Variants in SCFD2 observed in about 807,000 individuals in gnomAD.
The protein encoded by SCFD2 is sec1 family domain-containing protein 2.
SCFD2 carries 54 observed loss-of-function variants against 58.9 expected under a neutral mutation model. The ratio of observed to expected loss-of-function variants is 0.92; its 90% CI spans 0.74 to 1.15. The LOEUF (loss-of-function observed/expected upper bound fraction) is 1.15, where lower values mean the gene tolerates loss of function less well. SCFD2 is among the 50% of genes most tolerant of loss of function. The probability of loss-of-function intolerance (pLI) is 0.00; values close to 1 mark genes in which losing one functional copy is unlikely to be tolerated. For synonymous variants in SCFD2, 321 were observed against 335.9 expected (o/e 0.96, Z 0.49); for missense variants, 805 against 836.6 (o/e 0.96, Z 0.47).
chr4:53,260,471 A>G (rs1730797393), intron 4 of SCFD2, among the ~76,000 whole-genome samples: 1 of 152,166 alleles, frequency 6.6e-6, no homozygotes, highest in African/African-American at 2.4e-5. Context: ...CTTTTTCTGC[A>G]TCTACTGAGA....
chr4:53,071,389 T>A (rs181496395), intron 5 of SCFD2, among the ~76,000 whole-genome samples: 120 of 152,206 alleles, frequency 7.9e-4, no homozygotes, highest in Non-Finnish European at 1.6e-3. Flanking sequence ...AGGTTACATA[T>A]AATTTTTTGG....
At chr4:53,083,437 C>T (rs1288087488) in intron 5 of SCFD2, among the ~76,000 whole-genome samples, 1 of 152,034 alleles carries the variant, frequency 6.6e-6, no homozygotes, top group Non-Finnish European at 1.5e-5. Flanking sequence ...GGAATACTTC[C>T]AACCTTATTC....
intron 4 of SCFD2, among the ~76,000 whole-genome samples, chr4:53,202,053 G>T (rs1728259652): frequency 6.6e-6 from 1 of 152,060 alleles, no homozygotes; most frequent in African/African-American, 2.4e-5. Flanking sequence ...CTCAATTTTG[G>T]CTTCTGTTGC....
chr4:53,264,649 T>G (rs563835117), intron 4 of SCFD2, among the ~76,000 whole-genome samples: 97 of 152,322 alleles, frequency 6.4e-4, no homozygotes, highest in African/African-American at 2.2e-3. Flanking sequence ...GCCATCATAT[T>G]TCCAAGCCAA....
chr4:53,093,098 C>T (rs1050133981), intron 5 of SCFD2, among the ~76,000 whole-genome samples: 4 of 152,016 alleles, frequency 2.6e-5, no homozygotes, highest in Non-Finnish European at 5.9e-5. Flanking sequence ...ACTGTTAAAA[C>T]ATTGGGAAAA....
intron 2 of SCFD2, among the ~76,000 whole-genome samples, chr4:53,327,741 G>C (rs1410898665): frequency 6.6e-6 from 1 of 152,170 alleles, no homozygotes; most frequent in African/African-American, 2.4e-5. Flanking sequence ...TGTTCAAGAA[G>C]TAGTTACAAA....
At chr4:53,313,872 T>C in intron 2 of SCFD2, 109 bp from the exon 3 acceptor site, 1 of 917,510 alleles carries the variant, frequency 1.1e-6, no homozygotes, top group Non-Finnish European at 1.7e-6. Flanking sequence ...AATGTAGTCT[T>C]TCCTACTGAT....
intron 5 of SCFD2, among the ~76,000 whole-genome samples, chr4:52,935,516 C>T (rs1720113903): frequency 6.6e-6 from 1 of 152,110 alleles, no homozygotes; most frequent in Non-Finnish European, 1.5e-5. Flanking sequence ...GGTCAAACAT[C>T]CTTGATGTTG....
intron 6 of SCFD2, among the ~76,000 whole-genome samples, chr4:52,920,302 C>T (rs751247471): frequency 1.8e-4 from 28 of 152,216 alleles, no homozygotes; most frequent in Admixed American, 2.6e-4. Context: ...TTTCCCTTGT[C>T]GTAACATTAT....
chr4:53,129,331 C>T (rs1725721674), intron 5 of SCFD2, among the ~76,000 whole-genome samples: 1 of 152,182 alleles, frequency 6.6e-6, no homozygotes, highest in Non-Finnish European at 1.5e-5. Context: ...CACTTGGGAC[C>T]AATTCAGTCC....
intron 5 of SCFD2, among the ~76,000 whole-genome samples, chr4:52,972,343 CA>C (rs906714893): frequency 6.6e-6 from 1 of 151,316 alleles, no homozygotes; most frequent in Non-Finnish European, 1.5e-5. Context: ...AAATGGAAAA[CA>C]AAAAAAGGCA....
chr4:52,887,582 G>A (rs567397235), intron 7 of SCFD2, among the ~76,000 whole-genome samples: 1 of 152,298 alleles, frequency 6.6e-6, no homozygotes, highest in South Asian at 2.1e-4. Context: ...CAGAAGGGTG[G>A]AGCGGGACAG....
At chr4:53,302,131 G>C (rs1230443309) in intron 3 of SCFD2, among the ~76,000 whole-genome samples, 1 of 152,078 alleles carries the variant, frequency 6.6e-6, no homozygotes, top group Non-Finnish European at 1.5e-5. Context: ...GAAATAAAGG[G>C]CATTCAATTA....
intron 4 of SCFD2, among the ~76,000 whole-genome samples, chr4:53,237,660 C>T (rs1729686665): frequency 3.0e-5 from 4 of 134,020 alleles, no homozygotes; most frequent in Admixed American, 1.4e-4. Context: ...CCCCCACCTC[C>T]CTCCCGGACG....
chr4:53,348,602 C>T (rs1483545854), intron 2 of SCFD2, among the ~76,000 whole-genome samples: 1 of 152,158 alleles, frequency 6.6e-6, no homozygotes, highest in African/African-American at 2.4e-5. Context: ...CACCACCTAT[C>T]GCTTTATCTT....
intron 5 of SCFD2, among the ~76,000 whole-genome samples, chr4:53,108,003 C>T (rs1179993015): frequency 9.2e-5 from 14 of 152,206 alleles, no homozygotes; most frequent in South Asian, 2.1e-4. Flanking sequence ...TGCAAAAGAA[C>T]GGAAATCAGA....
intron 7 of SCFD2, among the ~76,000 whole-genome samples, chr4:52,898,439 C>T (rs910075631): frequency 6.6e-6 from 1 of 152,206 alleles, no homozygotes; most frequent in Non-Finnish European, 1.5e-5. Context: ...GCAGGTTGTT[C>T]AGTTTCCATG....
chr4:53,205,972 T>A (rs1331509413), intron 4 of SCFD2, among the ~76,000 whole-genome samples: 17 of 152,180 alleles, frequency 1.1e-4, no homozygotes, highest in Admixed American at 1.1e-3. Flanking sequence ...CATAGAACTT[T>A]ACAACTCTCA....
chr4:53,087,918 C>A (rs1410178746), intron 5 of SCFD2, among the ~76,000 whole-genome samples: 1 of 152,084 alleles, frequency 6.6e-6, no homozygotes, highest in Non-Finnish European at 1.5e-5. Flanking sequence ...CTCAGTCTCC[C>A]AAAGTGCTGG....
Sources: gnomAD v4.1 joint callset for allele counts (sites outside exome capture counted in the v4.1 genomes callset) on GRCh38, gnomAD v4.1.1 for gene constraint, MANE v1.5 for transcripts, NCBI Gene and HGNC (gene_info 2026-07-23, HGNC 2026-07-21) for gene names.